Variants in EYS observed in about 807,000 individuals in gnomAD.
The protein encoded by EYS is EGF-like photoreceptor maintenance factor, also known as protein eyes shut homolog.
EYS carries 250 observed loss-of-function variants against 282.1 expected under a neutral mutation model. That is an observed-to-expected ratio of 0.89 (90% CI 0.80 to 0.98). EYS has a LOEUF of 0.98. Among genes scored for constraint, EYS ranks in the 50% least tolerant of loss-of-function variants. EYS has a pLI of 0.00. For synonymous variants in EYS, 1,355 were observed against 1,282.9 expected (o/e 1.06, Z -1.20); for missense variants, 4,016 against 3,709.0 (o/e 1.08, Z -2.15).
intron 12 of EYS, among the ~76,000 whole-genome samples, chr6:65,084,555 T>C (rs1452966947): frequency 6.6e-6 from 1 of 152,134 alleles, no homozygotes; most frequent in East Asian, 1.9e-4. Flanking sequence ...TGTCAAAACA[T>C]CTTCTTCACT....
intron 12 of EYS, among the ~76,000 whole-genome samples, chr6:65,135,871 A>G (rs1226024847): frequency 6.6e-6 from 1 of 152,050 alleles, no homozygotes; most frequent in African/African-American, 2.4e-5. Context: ...CAGTTACTCT[A>G]AAATTGGATT....
At position 64,622,623 on chromosome 6, in the gene EYS, C is replaced by A. The variant is rs1233996777; in HGVS notation, c.3568+3498G>T. Among the ~76,000 whole-genome samples the A allele has an allele frequency of 2.0e-5, 3 of 152,080 alleles. No individual in the cohort carries two copies. In the East Asian group the frequency reaches 5.8e-4, roughly 29 times the overall value. ...ATAGAGGTGGAGTTACCCAGGATGA[C>A]AACCATGGAGTTGTTGTTAGATAAA... On this transcript the variant is annotated intron_variant, in intron 23 of 42. Coordinates refer to ENST00000503581, the MANE Select transcript of EYS (RefSeq NM_001142800.2).
intron 22 of EYS, among the ~76,000 whole-genome samples, chr6:64,647,357 G>A (rs1376051923): frequency 6.6e-6 from 1 of 152,046 alleles, no homozygotes; most frequent in African/African-American, 2.4e-5. Flanking sequence ...CACACATATT[G>A]AGAGAGACAG....
At chr6:65,086,780 ATG>A (rs893010314) in intron 12 of EYS, among the ~76,000 whole-genome samples, 54 of 151,786 alleles carry the variant, frequency 3.6e-4, no homozygotes, top group African/African-American at 1.2e-3. Flanking sequence ...ACAGATATAT[ATG>A]TGTGTGGTGG....
intron 33 of EYS, among the ~76,000 whole-genome samples, chr6:64,025,850 T>C (rs374022369): frequency 5.3e-5 from 8 of 152,174 alleles, no homozygotes; most frequent in Non-Finnish European, 8.8e-5. Flanking sequence ...GGGCATAACA[T>C]CTTTATAGGA....
At chr6:65,048,313 ACT>A (rs993295788) in intron 13 of EYS, among the ~76,000 whole-genome samples, 23 of 151,544 alleles carry the variant, frequency 1.5e-4, no homozygotes, top group Middle Eastern at 3.4e-3. Context: ...TCCACTGAAA[ACT>A]CTTCTTGTGA....
At chr6:63,979,014 TG>T in intron 35 of EYS, among the ~76,000 whole-genome samples, 1 of 152,082 alleles carries the variant, frequency 6.6e-6, no homozygotes, top group African/African-American at 2.4e-5. Flanking sequence ...ATACCCTGTT[TG>T]AAGCTTGCTT....
intron 36 of EYS, among the ~76,000 whole-genome samples, chr6:63,843,626 C>G (rs984696197): frequency 6.6e-5 from 10 of 152,140 alleles, no homozygotes; most frequent in African/African-American, 1.9e-4. Context: ...CTATTTATGA[C>G]AAAGCCACAG....
intron 1 of EYS, among the ~76,000 whole-genome samples, chr6:65,681,436 A>T (rs1768814847): frequency 1.3e-5 from 2 of 152,056 alleles, no homozygotes; most frequent in South Asian, 4.1e-4. Flanking sequence ...GTGAAATTAA[A>T]TCAATATCAA....
chr6:64,488,052 T>A (rs1390542732), intron 26 of EYS, among the ~76,000 whole-genome samples: 2 of 151,128 alleles, frequency 1.3e-5, no homozygotes, highest in Admixed American at 1.3e-4. Context: ...TCAACCCAAT[T>A]ATTTGTATAG....
intron 36 of EYS, among the ~76,000 whole-genome samples, chr6:63,829,205 C>A (rs540567918): frequency 6.6e-6 from 1 of 152,094 alleles, no homozygotes; most frequent in Non-Finnish European, 1.5e-5. Context: ...ACTGAGGTAC[C>A]GGGTTCGTCT....
chr6:65,033,679 T>C (rs1213832789), intron 13 of EYS, among the ~76,000 whole-genome samples: 9 of 152,242 alleles, frequency 5.9e-5, no homozygotes, highest in South Asian at 4.2e-4. Flanking sequence ...TCAGAGGATA[T>C]ATGAGAAAGC....
chr6:64,869,692 G>T (rs1171161464), intron 19 of EYS, among the ~76,000 whole-genome samples: 5 of 151,598 alleles, frequency 3.3e-5, no homozygotes, highest in Admixed American at 3.3e-4. Flanking sequence ...TCGTGAACTT[G>T]CATGATTAAA....
At chr6:63,853,818 G>A (rs1376816725) in intron 36 of EYS, among the ~76,000 whole-genome samples, 2 of 152,162 alleles carry the variant, frequency 1.3e-5, no homozygotes, top group Non-Finnish European at 2.9e-5. Context: ...AGAGGCCTCA[G>A]ATATTACACC....
chr6:63,792,993 C>T (rs530152257), intron 37 of EYS, among the ~76,000 whole-genome samples: 22 of 152,240 alleles, frequency 1.4e-4, no homozygotes, highest in African/African-American at 4.8e-4. Flanking sequence ...GAACAAAGTT[C>T]CCACAGTACT....
At chr6:65,076,934 C>A (rs1052105238) in intron 12 of EYS, among the ~76,000 whole-genome samples, 1 of 151,980 alleles carries the variant, frequency 6.6e-6, no homozygotes, top group African/African-American at 2.4e-5. Context: ...CAGCTCAAAC[C>A]AGGCAGAAAA....
intron 4 of EYS, among the ~76,000 whole-genome samples, chr6:65,493,355 A>C (rs1452524708): frequency 6.6e-6 from 1 of 152,208 alleles, no homozygotes; most frequent in East Asian, 1.9e-4. Flanking sequence ...CTCTAGATAT[A>C]GCTCTGCTTT....
chr6:65,478,405 A>C (rs1481933524), intron 5 of EYS, among the ~76,000 whole-genome samples: 3 of 152,256 alleles, frequency 2.0e-5, no homozygotes, highest in African/African-American at 7.2e-5. Flanking sequence ...ATTGAATGAG[A>C]AGTTGTTATG....
chr6:64,805,938 G>T (rs1004192339), intron 22 of EYS, among the ~76,000 whole-genome samples: 1 of 151,288 alleles, frequency 6.6e-6, no homozygotes, highest in Admixed American at 6.6e-5. Context: ...ATCAGAAAAA[G>T]ATTTCATTAT....
Sources: allele counts gnomAD v4.1 joint callset (sites outside exome capture counted in the v4.1 genomes callset), GRCh38; gene constraint gnomAD v4.1.1; transcripts MANE v1.5; gene names NCBI Gene and HGNC (gene_info 2026-07-23, HGNC 2026-07-21).